NCOA2: variants seen among roughly 807,000 people sequenced by gnomAD.
NCOA2 encodes nuclear receptor coactivator 2.
In NCOA2, 21 loss-of-function variants were observed where a neutral mutation model predicts 145.1. The observed-to-expected ratio is 0.14, with a 90% CI of 0.10 to 0.21. The LOEUF (loss-of-function observed/expected upper bound fraction) is 0.21. Among genes scored for constraint, NCOA2 ranks in the 10% least tolerant of loss-of-function variants. NCOA2 has a pLI of 1.00. For missense variants in NCOA2, 1,472 were observed against 1,837.6 expected, an observed-to-expected ratio of 0.80 and a Z score of 3.64; for synonymous variants, 619 against 637.5, an observed-to-expected ratio of 0.97 and a Z score of 0.44.
the NCOA2 span, among the ~76,000 whole-genome samples, chr8:70,427,157 C>T: frequency 0.13 from 20,483 of 152,058 alleles, 1,632 homozygotes; most frequent in East Asian, 0.32. Flanking sequence ...TATTCTAACA[C>T]TGTGCCAAAT....
chr8:70,344,216 T>C (rs1808397077), intron 1 of NCOA2, among the ~76,000 whole-genome samples: 1 of 152,212 alleles, frequency 6.6e-6, no homozygotes, highest in African/African-American at 2.4e-5. Flanking sequence ...CTTGCTGCAG[T>C]GAGGCAGTGC....
chr8:70,448,867 C>A, the NCOA2 span, among the ~76,000 whole-genome samples: 2 of 150,808 alleles, frequency 1.3e-5, no homozygotes, highest in Non-Finnish European at 2.9e-5. Flanking sequence ...TGCAGTGGTG[C>A]AATCGCAGCT....
At chr8:70,236,174 C>T (rs1821587929) in intron 2 of NCOA2, among the ~76,000 whole-genome samples, 2 of 152,164 alleles carry the variant, frequency 1.3e-5, no homozygotes, top group African/African-American at 4.8e-5. Context: ...CCTCAAGTCT[C>T]TCCTCTTATC....
chr8:70,440,123 A>G, the NCOA2 span, among the ~76,000 whole-genome samples: 6 of 152,066 alleles, frequency 3.9e-5, no homozygotes, highest in African/African-American at 1.4e-4. Flanking sequence ...CATCTCTACT[A>G]AAAATACAAA....
At chr8:70,379,129 T>C (rs1430600053) in intron 1 of NCOA2, among the ~76,000 whole-genome samples, 2 of 152,174 alleles carry the variant, frequency 1.3e-5, no homozygotes, top group Non-Finnish European at 1.5e-5. Flanking sequence ...ACAAAATAAA[T>C]ATTATATGGT....
At chr8:70,267,126 G>A (rs1455784582) in intron 2 of NCOA2, among the ~76,000 whole-genome samples, 1 of 152,108 alleles carries the variant, frequency 6.6e-6, no homozygotes, top group Admixed American at 6.5e-5. Flanking sequence ...AGGTCTGTGT[G>A]AAACCTGGGC....
the NCOA2 span, among the ~76,000 whole-genome samples, chr8:70,429,491 T>C: frequency 6.6e-6 from 1 of 152,266 alleles, no homozygotes. Context: ...TCTTGCTTGC[T>C]ACTTTATTTG....
chr8:70,211,635 T>G (rs958263008), intron 4 of NCOA2, among the ~76,000 whole-genome samples: 9 of 152,154 alleles, frequency 5.9e-5, no homozygotes, highest in African/African-American at 1.7e-4. Context: ...GTCTCAGAGA[T>G]AAGATAATTT....
At chr8:70,219,105 T>C (rs1293989001) in intron 2 of NCOA2, among the ~76,000 whole-genome samples, 2 of 152,262 alleles carry the variant, frequency 1.3e-5, no homozygotes, top group South Asian at 2.1e-4. Context: ...TTGTAACATA[T>C]GAGGGACAGC....
the NCOA2 span, among the ~76,000 whole-genome samples, chr8:70,428,465 A>G: frequency 1.3e-5 from 2 of 152,006 alleles, no homozygotes; most frequent in African/African-American, 4.8e-5. Context: ...TATAAATATA[A>G]AAATAAAAAT....
chr8:70,217,623 T>TAA (rs11403245), intron 2 of NCOA2, among the ~76,000 whole-genome samples: 1 of 150,048 alleles, frequency 6.7e-6, no homozygotes, highest in Non-Finnish European at 1.5e-5. Flanking sequence ...AGTAAGAAAA[T>TAA]AAAAAAAAAT....
rs911504754 is a variant in NCOA2, at chr8:70,139,644, C to CTTTTTTTTT, written c.3029-1321_3029-1313dup. On this transcript the variant is annotated intron_variant, in intron 14 of 22. Transcript: ENST00000452400. ...GTCTTGTCAAAACAACGCTGGCCAT[C>CTTTTTTTTT]TTTTTTTTTTTTTTTTTTTTTTTTT... Among the ~76,000 whole-genome samples, 18 of 91,854 alleles carry CTTTTTTTTT rather than the reference C, an allele frequency of 2.0e-4. 1 individual carries two copies. The highest frequency in any genetic ancestry group is 8.2e-4 in the African/African-American group (16 of 19,610). The allele number at this position is 91,854 out of a possible 152,430, so 60.3% of individuals were successfully genotyped here.
chr8:70,348,850 G>A (rs1338572333), intron 1 of NCOA2, among the ~76,000 whole-genome samples: 1 of 152,136 alleles, frequency 6.6e-6, no homozygotes, highest in African/African-American at 2.4e-5. Context: ...TGTCAAGCCA[G>A]CAGTTAAAGC....
At chr8:70,157,332 C>G (rs1361066409) in intron 10 of NCOA2, 92 bp from the exon 11 acceptor site, 1 of 1,113,518 alleles carries the variant, frequency 9.0e-7, no homozygotes, top group Non-Finnish European at 1.2e-6. Context: ...GCCTCTTCAC[C>G]TTAAAAGAAC....
At chr8:70,245,010 G>C (rs530301141) in intron 2 of NCOA2, 1 of 152,216 alleles carries the variant, frequency 6.6e-6, no homozygotes, top group East Asian at 1.9e-4. Flanking sequence ...AACACACCTT[G>C]TAACTGTCCA....
At chr8:70,195,591 C>T (rs1255471119) in intron 4 of NCOA2, among the ~76,000 whole-genome samples, 1 of 152,172 alleles carries the variant, frequency 6.6e-6, no homozygotes, top group East Asian at 1.9e-4. Flanking sequence ...TTATGTCATT[C>T]ATCTGGCTTT....
intron 2 of NCOA2, among the ~76,000 whole-genome samples, chr8:70,218,839 T>C (rs1391989444): frequency 2.0e-5 from 3 of 152,172 alleles, no homozygotes; most frequent in African/African-American, 4.8e-5. Flanking sequence ...ATATACAGCA[T>C]AGCAAAATGC....
intron 1 of NCOA2, among the ~76,000 whole-genome samples, chr8:70,332,421 C>T (rs188407588): frequency 2.9e-4 from 44 of 152,282 alleles, no homozygotes; most frequent in Non-Finnish European, 4.9e-4. Flanking sequence ...ATATTTCTGA[C>T]TCTACGCTGC....
chr8:70,162,139 G>A (rs1156636435), intron 9 of NCOA2, among the ~76,000 whole-genome samples: 1 of 152,110 alleles, frequency 6.6e-6, no homozygotes, highest in Non-Finnish European at 1.5e-5. Context: ...GAGGCAAAAG[G>A]GATAATGCCA....
Sources: gnomAD v4.1 joint callset for allele counts (sites outside exome capture counted in the v4.1 genomes callset) on GRCh38, gnomAD v4.1.1 for gene constraint, MANE v1.5 for transcripts, NCBI Gene and HGNC (gene_info 2026-07-23, HGNC 2026-07-21) for gene names.